Variants in TET2 observed in about 807,000 individuals in gnomAD.
TET2 encodes tet methylcytosine dioxygenase 2.
A neutral mutation model predicts 142.9 loss-of-function variants in TET2; 299 were observed. The observed-to-expected ratio is 2.09, with a 90% confidence interval of 1.90 to 2.30. TET2 has a LOEUF of 2.30. Ranked by LOEUF, TET2 falls within the 30% of genes most tolerant of loss-of-function variation. The pLI, the probability that TET2 is intolerant of heterozygous loss-of-function variation, is 0.00. For missense variants in TET2, 2,418 were observed against 2,378.0 expected, an observed-to-expected ratio of 1.02 and a Z score of -0.35; for synonymous variants, 819 against 849.0, an observed-to-expected ratio of 0.96 and a Z score of 0.61.
At chr4:105,208,793 A>G (rs1010764999) in intron 2 of TET2, among the ~76,000 whole-genome samples, 6 of 151,826 alleles carry the variant, frequency 4.0e-5, no homozygotes, top group Non-Finnish European at 8.8e-5. Flanking sequence ...TTGACGTGGT[A>G]ACCTGCCATA....
chr4:105,217,332 A>C (rs1219628561), intron 2 of TET2, among the ~76,000 whole-genome samples: 1 of 152,104 alleles, frequency 6.6e-6, no homozygotes, highest in African/African-American at 2.4e-5. Context: ...CAAAACTTGC[A>C]TAGGTATGTG....
chr4:105,146,377 C>T (rs1184945808), upstream of TET2: 2 of 152,488 alleles, frequency 1.3e-5, no homozygotes, highest in Non-Finnish European at 2.9e-5. Context: ...CGCCGAGGTC[C>T]CCGGGGTTCC....
chr4:105,155,674 A>T (rs1019540075), intron 1 of TET2, among the ~76,000 whole-genome samples: 1 of 152,146 alleles, frequency 6.6e-6, no homozygotes, highest in Non-Finnish European at 1.5e-5. Context: ...TGGATCCCAT[A>T]CCTTGGGACC....
chr4:105,182,749 G>A (rs1249354270), intron 1 of TET2, among the ~76,000 whole-genome samples: 5 of 152,122 alleles, frequency 3.3e-5, no homozygotes, highest in Non-Finnish European at 7.4e-5. Context: ...CTGATCAAAT[G>A]TCAGCAGCTT....
intron 2 of TET2, among the ~76,000 whole-genome samples, chr4:105,220,759 A>G (rs111505942): frequency 0.014 from 2,102 of 152,262 alleles, 30 homozygotes; most frequent in Middle Eastern, 0.058. Flanking sequence ...AGAGAGGCCT[A>G]CAAGGGCTCT....
At chr4:105,173,363 CAA>C (rs71584289) in intron 1 of TET2, among the ~76,000 whole-genome samples, 1 of 114,652 alleles carries the variant, frequency 8.7e-6, no homozygotes. Context: ...ACTAAAAATA[CAA>C]AAAAAAAAAA....
At chr4:105,161,098 G>T (rs1723834120) in intron 1 of TET2, among the ~76,000 whole-genome samples, 1 of 152,040 alleles carries the variant, frequency 6.6e-6, no homozygotes, top group Non-Finnish European at 1.5e-5. Context: ...TTTATATCTG[G>T]AATAATTTAA....
At chr4:105,152,598 C>CTTTTTTTTTTTTTTT (rs869064512) in intron 1 of TET2, among the ~76,000 whole-genome samples, 1 of 23,536 alleles carries the variant, frequency 4.2e-5, no homozygotes, top group Non-Finnish European at 9.0e-5. Context: ...TTCTTTCTTT[C>CTTTTTTTTTTTTTTT]TTTTTTTTTT....
At chr4:105,153,303 A>T (rs1280900188) in intron 1 of TET2, among the ~76,000 whole-genome samples, 1 of 152,196 alleles carries the variant, frequency 6.6e-6, no homozygotes, top group East Asian at 1.9e-4. Flanking sequence ...CCTCAGTTTA[A>T]CTTGTACTCA....
In TET2 at chr4:105,278,842, GT is replaced by G; in HGVS notation, c.*2330del. 3 of 232,982 alleles carry G rather than the reference GT, an allele frequency of 1.3e-5. No homozygotes were observed. Among genetic ancestry groups the G allele is most frequent in the Middle Eastern group, 1.3e-3 (1 of 786 alleles). The allele number at this position is 232,982 out of a possible 1,614,324, so 14.4% of individuals were successfully genotyped here. A position where few individuals can be genotyped will look rare whatever the true frequency, so the allele number is the denominator to read the frequency against. On this transcript the variant is annotated 3_prime_UTR_variant, in exon 11 of 11. Coordinates refer to ENST00000380013, the MANE Select transcript of TET2 (RefSeq NM_001127208.3). The stretch of plus-strand genomic sequence containing the variant: ...ACTTACTTGTAACTCTCTAAATGAA[GT>G]TTTTTTGATCCTGTAATCACTGAAG...
At chr4:105,148,080 A>C (rs1326245119) in intron 1 of TET2, among the ~76,000 whole-genome samples, 7 of 151,446 alleles carry the variant, frequency 4.6e-5, no homozygotes, top group South Asian at 2.1e-4. Flanking sequence ...ACACACACAC[A>C]CACCTCACTC....
intron 2 of TET2, among the ~76,000 whole-genome samples, chr4:105,212,063 A>G (rs763309119): frequency 1.2e-4 from 18 of 152,330 alleles, no homozygotes; most frequent in South Asian, 2.1e-4. Flanking sequence ...ACATATTCTC[A>G]CCTTGATTAT....
At chr4:105,173,346 C>T (rs1724583769) in intron 1 of TET2, among the ~76,000 whole-genome samples, 1 of 145,514 alleles carries the variant, frequency 6.9e-6, no homozygotes, top group Non-Finnish European at 1.5e-5. Flanking sequence ...GGTGAAAACC[C>T]GTCTCTACTA....
intron 2 of TET2, among the ~76,000 whole-genome samples, chr4:105,222,542 G>A (rs551884634): frequency 3.3e-5 from 5 of 152,170 alleles, no homozygotes; most frequent in African/African-American, 4.8e-5. Context: ...CATGTGCTTC[G>A]CCCACTTTTT....
chr4:105,150,953 CAG>C (rs887732947), intron 1 of TET2, among the ~76,000 whole-genome samples: 1 of 152,170 alleles, frequency 6.6e-6, no homozygotes. Flanking sequence ...TTGTACATTG[CAG>C]AGACTTGCTG....
At chr4:105,271,104 G>A (rs1002872072) in intron 9 of TET2, among the ~76,000 whole-genome samples, 1 of 152,070 alleles carries the variant, frequency 6.6e-6, no homozygotes, top group African/African-American at 2.4e-5. Context: ...GTTTGGTGGG[G>A]TTTTTTTGTT....
chr4:105,254,013 C>T (rs1730000589), intron 6 of TET2, among the ~76,000 whole-genome samples: 1 of 152,170 alleles, frequency 6.6e-6, no homozygotes, highest in Non-Finnish European at 1.5e-5. Context: ...ATACCTGGAG[C>T]AAATCCCACA....
intron 2 of TET2, among the ~76,000 whole-genome samples, chr4:105,219,120 A>C (rs1190257604): frequency 6.6e-6 from 1 of 152,098 alleles, no homozygotes; most frequent in African/African-American, 2.4e-5. Context: ...TTTCATTAGA[A>C]CTGATACATA....
Position 105,240,118 on chromosome 4 carries a change from A to G in TET2, c.3410-1221A>G, listed in dbSNP as rs151005986. ...CAAAGATCACTGATCACAGATCGCC[A>G]TAACATAAATAATAATAAACTTTAA... On this transcript the variant is annotated intron_variant, in intron 3 of 10. Transcript: ENST00000380013. 698 of 232,334 alleles carry G rather than the reference A, an allele frequency of 3.0e-3. 19 individuals carry two copies. In the East Asian group the frequency reaches 0.046, roughly 15 times the overall value. 14.4% of individuals were successfully genotyped at this position (232,334 alleles called of 1,614,324 possible). A position where few individuals can be genotyped will look rare whatever the true frequency, so the allele number is the denominator to read the frequency against.
Sources: gnomAD v4.1 joint callset for allele counts (sites outside exome capture counted in the v4.1 genomes callset) on GRCh38, gnomAD v4.1.1 for gene constraint, MANE v1.5 for transcripts, NCBI Gene and HGNC (gene_info 2026-07-23, HGNC 2026-07-21) for gene names.